DISP3: variants seen among roughly 807,000 people sequenced by gnomAD.
DISP3 encodes protein dispatched homolog 3.
Under a neutral mutation model 135.3 loss-of-function variants are expected in DISP3, and 101 were observed. The observed-to-expected ratio is 0.75, with a 90% confidence interval of 0.64 to 0.88. DISP3 has a LOEUF of 0.88. Ranked by LOEUF, DISP3 falls within the 40% of genes least tolerant of loss-of-function variation. The pLI is 0.00. For missense variants in DISP3, 1,713 were observed against 1,878.6 expected (o/e 0.91, Z 1.63); for synonymous variants, 856 against 817.0 (o/e 1.05, Z -0.81).
Position 11,501,251 on chromosome 1 carries a change from G to A in DISP3, c.259G>A (p.Ala87Thr), listed in dbSNP as rs200877980. 1.2e-6 allele frequency: 2 copies of A among 1,614,120 alleles called. No individual in the cohort carries two copies. The highest frequency in any genetic ancestry group is 1.7e-6 in the Non-Finnish European group (2 of 1,180,016). The change falls in exon 2 of 21, where the codon GCC becomes ACC. Residue 87 changes from alanine to threonine, a missense_variant. Ala to Thr is a moderately conservative substitution (Grantham distance 58, BLOSUM62 0). This residue lies in a region of DISP3 where 571 missense variants were observed against 494.1 expected (regional missense o/e 1.16). Coordinates refer to ENST00000294484, the MANE Select transcript of DISP3 (RefSeq NM_020780.2). The surrounding 1 kb of genome is among the most constrained non-coding windows in gnomAD (Gnocchi z 4.9). ...VLFLGCSIPM[A>T]LSAFMFLYYP... ...CTTCCTGGGCTGCAGCATCCCCATGGCCCTGTCAGCCTTCATGTTCCTTTA... is the reference window on the plus strand; with the variant it reads ...CTTCCTGGGCTGCAGCATCCCCATGACCCTGTCAGCCTTCATGTTCCTTTA...
intron 1 of DISP3, among the ~76,000 whole-genome samples, chr1:11,481,063 T>TCTCTCTCA (rs111980045): frequency 5.9e-4 from 86 of 144,948 alleles, no homozygotes; most frequent in African/African-American, 1.9e-3. Context: ...TCTCTCTCTC[T>TCTCTCTCA]CACACACATA....
At position 11,483,161 on chromosome 1, in the gene DISP3, C is replaced by T. The variant is rs746496801; in HGVS notation, c.-4+3789C>T. Among the ~76,000 whole-genome samples, 1 of 152,242 alleles carries T rather than the reference C, an allele frequency of 6.6e-6. No individual in the cohort carries two copies. Among genetic ancestry groups the T allele is most frequent in the Non-Finnish European group, 1.5e-5 (1 of 68,048 alleles). On this transcript the variant is annotated intron_variant, in intron 1 of 20. Coordinates refer to ENST00000294484, the MANE Select transcript of DISP3 (RefSeq NM_020780.2). This position sits in a 1 kb window ranked among gnomAD's most constrained non-coding sequence, Gnocchi z 5.4. ...TCTGCCTGGCCGCTGGGAGACCAGA[C>T]AGCCGCACTCCACTCTGCACCAGCT...
intron 19 of DISP3, 93 bp downstream of exon 19, chr1:11,535,217 C>T: frequency 8.1e-7 from 1 of 1,229,990 alleles, no homozygotes; most frequent in Admixed American, 2.1e-5. Context: ...GGCCTCTGAA[C>T]CTTTCACTGT....
At chr1:11,479,717 G>C (rs1640839011) in intron 1 of DISP3, among the ~76,000 whole-genome samples, 1 of 152,264 alleles carries the variant, frequency 6.6e-6, no homozygotes, top group African/African-American at 2.4e-5. Context: ...TCCCCTCTGA[G>C]GGATATCTGG....
At chr1:11,486,020 C>T (rs544560389) in intron 1 of DISP3, among the ~76,000 whole-genome samples, 29 of 152,266 alleles carry the variant, frequency 1.9e-4, no homozygotes, top group Non-Finnish European at 3.8e-4. Context: ...GGGACTCGGG[C>T]TCTGTGTTCT....
At chr1:11,513,302 T>A (rs1290999828) in intron 3 of DISP3, among the ~76,000 whole-genome samples, 1 of 152,150 alleles carries the variant, frequency 6.6e-6, no homozygotes, top group Non-Finnish European at 1.5e-5. Flanking sequence ...AATAAATAAA[T>A]AAAATCTCTT....
In DISP3 at chr1:11,502,658, C is replaced by A; in HGVS notation, c.1097-20C>A. 6.2e-7 allele frequency: 1 copy of A among 1,607,800 alleles called. No individual in the cohort carries two copies. The highest frequency in any genetic ancestry group is 8.5e-7 in the Non-Finnish European group (1 of 1,176,362). The stretch of plus-strand genomic sequence containing the variant: ...AGCTGACCAGCTGAACTCTTGGGGC[C>A]CCCACCCCTGTCCTTGCAGGCTCCC... On this transcript the variant is annotated intron_variant, in intron 2 of 20. Transcript: ENST00000294484.
intron 11 of DISP3, among the ~76,000 whole-genome samples, 163 bp from the exon 12 acceptor site, chr1:11,525,013 A>G (rs977874287): frequency 4.3e-5 from 6 of 138,442 alleles, no homozygotes; most frequent in Non-Finnish European, 7.7e-5. Context: ...TATTATTGCC[A>G]TGGACCTGGT....
chr1:11,531,708 T>G lies in DISP3; in HGVS notation c.3373T>G (p.Ser1125Ala). 2 of 1,598,512 alleles carry G rather than the reference T, an allele frequency of 1.3e-6. No individual in the cohort carries two copies. The highest frequency in any genetic ancestry group is 1.7e-6 in the Non-Finnish European group (2 of 1,171,810). The change falls in exon 17 of 21, where the codon TCG (serine) becomes GCG (alanine). Residue 1125 changes from serine (S) to alanine (A), a missense_variant and splice_region_variant. This residue lies in a region of DISP3 where 1,142 missense variants were observed against 1,384.6 expected (regional missense o/e 0.82). Transcript: ENST00000294484. This position sits in a 1 kb window ranked among gnomAD's most constrained non-coding sequence, Gnocchi z 5.2. ...GCAGTGGATCTCCATGGCTTTCGAGTCGGTGAGCCCAGGCAGCCTCACTGG... is the reference window on the plus strand; with the variant it reads ...GCAGTGGATCTCCATGGCTTTCGAGGCGGTGAGCCCAGGCAGCCTCACTGG... ...RVQWISMAFESTTYKGKSSFQ... is the reference protein window; with the variant it reads ...RVQWISMAFEATTYKGKSSFQ...
In DISP3 at chr1:11,483,174, C is replaced by T. The variant is rs768214847; in HGVS notation, c.-4+3802C>T. ...TGGGAGACCAGACAGCCGCACTCCACTCTGCACCAGCTGGAAGGTACACGG... is the reference window on the plus strand; with the variant it reads ...TGGGAGACCAGACAGCCGCACTCCATTCTGCACCAGCTGGAAGGTACACGG... On this transcript the variant is annotated intron_variant, in intron 1 of 20. Coordinates refer to ENST00000294484, the MANE Select transcript of DISP3 (RefSeq NM_020780.2). The surrounding 1 kb of genome is among the most constrained non-coding windows in gnomAD (Gnocchi z 5.4). 6.6e-6 allele frequency among the ~76,000 whole-genome samples: 1 copy of T among 152,238 alleles called. No homozygotes were observed. The highest frequency in any genetic ancestry group is 1.5e-5 in the Non-Finnish European group (1 of 68,050).
rs4845867 is a variant in DISP3, at chr1:11,535,175, A to G, written c.3649+51A>G. The G allele has an allele frequency of 5.4e-3, 8,192 of 1,515,690 alleles. 362 individuals carry two copies. In the African/African-American group the frequency reaches 0.098, roughly 18 times the overall value. The allele number at this position is 1,515,690 out of a possible 1,614,324, so 93.9% of individuals were successfully genotyped here. The stretch of plus-strand genomic sequence containing the variant: ...ACCCTGCTGGTAGGGACGGGAACAG[A>G]CAGTCTCCCCGGTGGCCCCAGGTAG... On this transcript the variant is annotated intron_variant, in intron 19 of 20. Transcript: ENST00000294484.
At chr1:11,524,561 T>C (rs1027047980) in intron 11 of DISP3, among the ~76,000 whole-genome samples, 2 of 151,818 alleles carry the variant, frequency 1.3e-5, no homozygotes, top group Non-Finnish European at 2.9e-5. Flanking sequence ...CTCCGCTATC[T>C]AGTCCACCCC....
rs1557622440 is a variant in DISP3, at chr1:11,531,141, TG to T, written c.3229+113del. Reference sequence around the variant, plus strand: ...AGCCCGAAGGACAGTGTCTGGCATGTGGGGGTCTTTTGCAGATGTGTATCTG... The same window carrying T: ...AGCCCGAAGGACAGTGTCTGGCATGTGGGGTCTTTTGCAGATGTGTATCTG... On this transcript the variant is annotated intron_variant, in intron 16 of 20. Coordinates refer to ENST00000294484, the MANE Select transcript of DISP3 (RefSeq NM_020780.2). The surrounding 1 kb of genome is among the most constrained non-coding windows in gnomAD (Gnocchi z 5.2). 4 of 1,516,454 alleles carry T rather than the reference TG, an allele frequency of 2.6e-6. No individual in the cohort carries two copies. Among genetic ancestry groups the T allele is most frequent in the Non-Finnish European group, 3.6e-6 (4 of 1,124,042 alleles). 93.9% of individuals were successfully genotyped at this position (1,516,454 alleles called of 1,614,324 possible). A position where few individuals can be genotyped will look rare whatever the true frequency, so the allele number is the denominator to read the frequency against.
chr1:11,486,535 T>G (rs12068407), intron 1 of DISP3, among the ~76,000 whole-genome samples: 5,960 of 152,118 alleles, frequency 0.039, 331 homozygotes, highest in South Asian at 0.14. Context: ...GATCCCAGAG[T>G]AACAGAGCCA....
In DISP3 at chr1:11,529,376, C is replaced by A. The variant is rs1642512722; in HGVS notation, c.2799-180C>A. Among the ~76,000 whole-genome samples the A allele has an allele frequency of 6.6e-6, 1 of 152,126 alleles. No individual in the cohort carries two copies. Among genetic ancestry groups the A allele is most frequent in the African/African-American group, 2.4e-5 (1 of 41,424 alleles). On this transcript the variant is annotated intron_variant, in intron 13 of 20. Coordinates refer to ENST00000294484, the MANE Select transcript of DISP3 (RefSeq NM_020780.2). The surrounding 1 kb of genome is among the most constrained non-coding windows in gnomAD (Gnocchi z 4.7). Reference sequence around the variant, plus strand: ...GGCAGGGCTAGAACAGCCTCCAGACCCCCAGCCCAGGGCACATCCCCCAGC... The same window carrying A: ...GGCAGGGCTAGAACAGCCTCCAGACACCCAGCCCAGGGCACATCCCCCAGC...
intron 17 of DISP3, chr1:11,533,550 C>T: frequency 1.9e-6 from 1 of 528,088 alleles, no homozygotes; most frequent in East Asian, 3.1e-5. Context: ...AGCCACTGCG[C>T]CCAGCCGGTG....
At position 11,530,939 on chromosome 1, in the gene DISP3, C is replaced by T; in HGVS notation, c.3135C>T (p.Leu1045=). 1.2e-6 allele frequency: 2 copies of T among 1,614,048 alleles called. No individual in the cohort carries two copies. Among genetic ancestry groups the T allele is most frequent in the Non-Finnish European group, 1.7e-6 (2 of 1,179,980 alleles). Reference sequence around the variant, plus strand: ...TTGTCTACGACAGCAGCTTTGACCTCTTCAAGGAAATTGGGCACCTGTGTC... The same window carrying T: ...TTGTCTACGACAGCAGCTTTGACCTTTTCAAGGAAATTGGGCACCTGTGTC... ...GSVVYDSSFD[L]FKEIGHLCHL... is the part of the protein sequence containing the mutation. Residue 1045 remains leucine, a synonymous_variant, in exon 16 of 21, where the codon CTC becomes CTT. Transcript: ENST00000294484.
intron 18 of DISP3, 79 bp downstream of exon 18, chr1:11,534,619 T>C: frequency 6.7e-7 from 1 of 1,500,754 alleles, no homozygotes; most frequent in Admixed American, 2.2e-5. Context: ...CAGAGCGGCC[T>C]GAGTCACAAT....
intron 1 of DISP3, among the ~76,000 whole-genome samples, chr1:11,485,100 C>T (rs1640999739): frequency 6.6e-6 from 1 of 151,978 alleles, no homozygotes; most frequent in African/African-American, 2.4e-5. Flanking sequence ...CATCAGAGTC[C>T]CCATTCCCAC....
Sources: gnomAD v4.1 joint callset for allele counts (sites outside exome capture counted in the v4.1 genomes callset) on GRCh38, gnomAD v4.1.1 for gene constraint, gnomAD v4.1.1 regional missense constraint, Gnocchi (gnomAD v3.1) non-coding constraint, MANE v1.5 for transcripts, NCBI Gene and HGNC (gene_info 2026-07-23, HGNC 2026-07-21) for gene names.